CARMIL2: variants seen among roughly 807,000 people sequenced by gnomAD.
The protein encoded by CARMIL2 is capping protein regulator and myosin 1 linker 2, also known as capping protein, Arp2/3 and myosin-I linker protein 2.
A neutral mutation model predicts 173.3 loss-of-function variants in CARMIL2; 96 were observed. The ratio of observed to expected loss-of-function variants is 0.55; its 90% CI spans 0.47 to 0.66. CARMIL2 has a LOEUF of 0.66. Among genes scored for constraint, CARMIL2 ranks in the 30% least tolerant of loss-of-function variants. CARMIL2 has a pLI of 0.00. For synonymous variants in CARMIL2, 830 were observed against 817.1 expected, an observed-to-expected ratio of 1.02 and a Z score of -0.27; for missense variants, 1,771 against 1,906.7, an observed-to-expected ratio of 0.93 and a Z score of 1.33.
rs1397077324 is a variant in CARMIL2 at position 67,652,441 on chromosome 16, C to T, written c.2818-31C>T. On this transcript the variant is annotated intron_variant, in intron 27 of 37. Transcript: ENST00000334583. The surrounding 1 kb of genome is among the most constrained non-coding windows in gnomAD (Gnocchi z 4.7). ...GCTCTTTTGGGTTGGTGCTCTCCTACCCCAGGCTGAGTTTGTGCCCTCCCC... is the reference window on the plus strand; with the variant it reads ...GCTCTTTTGGGTTGGTGCTCTCCTATCCCAGGCTGAGTTTGTGCCCTCCCC... 1.9e-6 allele frequency: 3 copies of T among 1,612,584 alleles called. No homozygotes were observed. In the South Asian group the frequency reaches 3.3e-5, roughly 18 times the overall value.
chr16:67,653,053 G>C lies in CARMIL2; in HGVS notation c.2919G>C (p.Leu973=). 7.9e-7 allele frequency: 1 copy of C among 1,268,664 alleles called. No individual in the cohort carries two copies. Among genetic ancestry groups the C allele is most frequent in the Admixed American group, 3.8e-5 (1 of 26,044 alleles). 78.6% of individuals were successfully genotyped at this position (1,268,664 alleles called of 1,614,324 possible). ...AAEEAEPEPE[L]AAPGEDAEPQ... is the part of the protein sequence containing the mutation. ...AGGAAGCGGAGCCGGAGCCCGAGCT[G>C]GCGGCTCCGGGAGAAGATGCAGAGC... is the stretch of plus-strand genomic sequence containing the variant. The change falls in exon 29 of 38, where the codon CTG becomes CTC. Residue 973 remains leucine, a synonymous_variant. Transcript: ENST00000334583. The surrounding 1 kb of genome is among the most constrained non-coding windows in gnomAD (Gnocchi z 7.4).
intron 11 of CARMIL2, 28 bp downstream of exon 11, chr16:67,647,630 G>C: frequency 6.2e-7 from 1 of 1,603,342 alleles, no homozygotes; most frequent in South Asian, 1.1e-5. Flanking sequence ...GACCGCAGGG[G>C]TGGGCAGCAG....
Position 67,653,270 on chromosome 16 carries a change from C to G in CARMIL2, c.3120+16C>G. ...GGGCCCCCAGGTGAGCACCCTTCCCCCACTCCGGAGCGCGTGGAATTGGGG... is the reference window on the plus strand; with the variant it reads ...GGGCCCCCAGGTGAGCACCCTTCCCGCACTCCGGAGCGCGTGGAATTGGGG... On this transcript the variant is annotated intron_variant, in intron 29 of 37. Transcript: ENST00000334583. This position sits in a 1 kb window ranked among gnomAD's most constrained non-coding sequence, Gnocchi z 7.4. The G allele has an allele frequency of 8.9e-7, 1 of 1,119,782 alleles. No homozygotes were observed. The highest frequency in any genetic ancestry group is 1.1e-6 in the Non-Finnish European group (1 of 908,108). The allele number at this position is 1,119,782 out of a possible 1,614,324, so 69.4% of individuals were successfully genotyped here.
Position 67,651,538 on chromosome 16 carries a change from C to A in CARMIL2, c.2427+24C>A. The A allele has an allele frequency of 6.4e-7, 1 of 1,567,964 alleles. No individual in the cohort carries two copies. The highest frequency in any genetic ancestry group is 8.7e-7 in the Non-Finnish European group (1 of 1,155,624). On this transcript the variant is annotated intron_variant, in intron 24 of 37. Coordinates refer to ENST00000334583, the MANE Select transcript of CARMIL2 (RefSeq NM_001013838.3). This position sits in a 1 kb window ranked among gnomAD's most constrained non-coding sequence, Gnocchi z 4.2. ...AGGTGAGAGGGTACTCCTGCCCCAA[C>A]CCCACCTCCGTTTGCAGGTTTGACT...
chr16:67,654,983 C>G, intron 32 of CARMIL2, 83 bp downstream of exon 32: 1 of 1,526,442 alleles, frequency 6.6e-7, no homozygotes, highest in East Asian at 2.3e-5. Context: ...GGAGGAGACT[C>G]ATGACAGATA....
Position 67,645,621 on chromosome 16 carries a change from A to G in CARMIL2, c.122A>G (p.Asn41Ser), listed in dbSNP as rs757088885. The stretch of plus-strand genomic sequence containing the variant: ...CTACCCGGGGAGGGTGCTGTGCAAA[A>G]CCATGTCCTGGTATGGGGCAGGGGA... ...TWLPGEGAVQ[N>S]HVLALLRWRA... Residue 41 changes from asparagine to serine, a missense_variant, in exon 2 of 38, where the codon AAC (asparagine) becomes AGC (serine). Coordinates refer to ENST00000334583, the MANE Select transcript of CARMIL2 (RefSeq NM_001013838.3). 32 of 1,613,416 alleles carry G rather than the reference A, an allele frequency of 2.0e-5. No homozygotes were observed. The highest frequency in any genetic ancestry group is 2.5e-5 in the Non-Finnish European group (30 of 1,179,838).
In CARMIL2 at chr16:67,652,146, A is replaced by G. The variant is rs768544962; in HGVS notation, c.2677-53A>G. The G allele has an allele frequency of 4.7e-5, 76 of 1,602,834 alleles. No individual in the cohort carries two copies. The highest frequency in any genetic ancestry group is 1.7e-4 in the Middle Eastern group (1 of 5,746). On this transcript the variant is annotated intron_variant, in intron 26 of 37. Transcript: ENST00000334583. The surrounding 1 kb of genome is among the most constrained non-coding windows in gnomAD (Gnocchi z 4.7). ...TTCAGGGTCCCCTTAGTTAGCATCA[A>G]TGGGATCATGGCTGAGGCCCTACCT...
Position 67,652,356 on chromosome 16 carries a change from C to A in CARMIL2, c.2817+17C>A. ...AAGGAGAAGGTAAGTGGTTTTAGAA[C>A]ACGGGGCATGGCACTCCCAGTCTTC... On this transcript the variant is annotated intron_variant, in intron 27 of 37. Coordinates refer to ENST00000334583, the MANE Select transcript of CARMIL2 (RefSeq NM_001013838.3). The surrounding 1 kb of genome is among the most constrained non-coding windows in gnomAD (Gnocchi z 4.7). 1.9e-6 allele frequency: 3 copies of A among 1,613,040 alleles called. No individual in the cohort carries two copies. The highest frequency in any genetic ancestry group is 1.7e-6 in the Non-Finnish European group (2 of 1,179,616).
chr16:67,652,254 C>T lies in CARMIL2; in HGVS notation c.2732C>T (p.Pro911Leu), dbSNP rs752246007. 4.3e-6 allele frequency: 7 copies of T among 1,613,188 alleles called. No homozygotes were observed. Among genetic ancestry groups the T allele is most frequent in the African/African-American group, 2.7e-5 (2 of 74,914 alleles). The stretch of plus-strand genomic sequence containing the variant: ...ACAATGCCCCCTGCCCTACCAGCAC[C>T]GGATGGAGGTGAGCCCAGCCTCCTT... ...TVTMPPALPA[P>L]DGGEPSLLEP... Residue 911 changes from proline to leucine, a missense_variant, in exon 27 of 38, where the codon CCG becomes CTG. Around this residue, in one of 3 missense-constraint regions of CARMIL2, gnomAD observed 817 missense variants for 903.5 expected, o/e 0.90. Transcript: ENST00000334583. This position sits in a 1 kb window ranked among gnomAD's most constrained non-coding sequence, Gnocchi z 4.7.
In CARMIL2 at chr16:67,649,339, C is replaced by T. The variant is rs751948639; in HGVS notation, c.1746+28C>T. On this transcript the variant is annotated intron_variant, in intron 19 of 37. Coordinates refer to ENST00000334583, the MANE Select transcript of CARMIL2 (RefSeq NM_001013838.3). The surrounding 1 kb of genome is among the most constrained non-coding windows in gnomAD (Gnocchi z 6.7). ...GAGTTCACGGGACCTTGCAGGGCCT[C>T]GGGCAATTAGACCACTTTGGTCCTC... is the stretch of plus-strand genomic sequence containing the variant. 6.2e-7 allele frequency: 1 copy of T among 1,609,994 alleles called. No individual in the cohort carries two copies. Among genetic ancestry groups the T allele is most frequent in the Non-Finnish European group, 8.5e-7 (1 of 1,179,382 alleles).
In CARMIL2 at chr16:67,647,489, C is replaced by G; in HGVS notation, c.777-19C>G. The stretch of plus-strand genomic sequence containing the variant: ...GGCAAACCAGGGGCAGAATCTCATG[C>G]CTGGGGTCTGGTCCCCAGAGACTTT... On this transcript the variant is annotated intron_variant, in intron 10 of 37. Transcript: ENST00000334583. 6.3e-7 allele frequency: 1 copy of G among 1,585,934 alleles called. No homozygotes were observed. Among genetic ancestry groups the G allele is most frequent in the Non-Finnish European group, 8.6e-7 (1 of 1,166,134 alleles).
rs748264223 is a variant in CARMIL2, at chr16:67,648,336, C to T, written c.1334+22C>T. ...GCACGTAAGGGGGACCTGTCGGGGC[C>T]GGGGGAGGCTGCTGGAAGCCGCCTC... is the stretch of plus-strand genomic sequence containing the variant. On this transcript the variant is annotated intron_variant, in intron 14 of 37. Coordinates refer to ENST00000334583, the MANE Select transcript of CARMIL2 (RefSeq NM_001013838.3). The surrounding 1 kb of genome is among the most constrained non-coding windows in gnomAD (Gnocchi z 6.1). The T allele has an allele frequency of 1.3e-6, 2 of 1,571,722 alleles. No homozygotes were observed. The highest frequency in any genetic ancestry group is 1.1e-5 in the South Asian group (1 of 87,504).
Position 67,646,028 on chromosome 16 carries a change from C to A in CARMIL2, c.197C>A (p.Thr66Lys). Residue 66 changes from threonine to lysine, a missense_variant, in exon 4 of 38, where the codon ACG becomes AAG. Thr to Lys is a moderately conservative substitution (Grantham distance 78). Coordinates refer to ENST00000334583, the MANE Select transcript of CARMIL2 (RefSeq NM_001013838.3). This position sits in a 1 kb window ranked among gnomAD's most constrained non-coding sequence, Gnocchi z 4.6. ...TTCLPLRVDC[T>K]FSYLEVQAMA... Reference sequence around the variant, plus strand: ...CTAGGCCCTTTCTAGGTGGACTGCACGTTCAGCTACCTGGAGGTCCAGGCC... The same window carrying A: ...CTAGGCCCTTTCTAGGTGGACTGCAAGTTCAGCTACCTGGAGGTCCAGGCC... The A allele has an allele frequency of 6.2e-7, 1 of 1,613,768 alleles. No individual in the cohort carries two copies. The highest frequency in any genetic ancestry group is 8.5e-7 in the Non-Finnish European group (1 of 1,179,878).
chr16:67,655,511 T>C (rs2052825082), intron 32 of CARMIL2, among the ~76,000 whole-genome samples: 1 of 152,248 alleles, frequency 6.6e-6, no homozygotes, highest in African/African-American at 2.4e-5. Flanking sequence ...CTCAAGACAC[T>C]GTTCAGACTC....
chr16:67,645,994 C>T (rs2142908659), intron 3 of CARMIL2, 24 bp from the exon 4 acceptor site: 5 of 1,613,586 alleles, frequency 3.1e-6, no homozygotes, highest in Non-Finnish European at 4.2e-6. Context: ...GGGCTTGGTC[C>T]CAGCTGATCT....
In CARMIL2 at chr16:67,648,314, C is replaced by G; in HGVS notation, c.1334C>G (p.Thr445Arg). 1 of 1,587,018 alleles carries G rather than the reference C, an allele frequency of 6.3e-7. No individual in the cohort carries two copies. Among genetic ancestry groups the G allele is most frequent in the Admixed American group, 1.7e-5 (1 of 58,268 alleles). ...GCTTCGAGGAACGTCTTCTCCCGCA[C>G]GTAAGGGGGACCTGTCGGGGCCGGG... ...LDASRNVFSR[T>R]KSRAAPAALQ... Residue 445 changes from threonine to arginine, a missense_variant and splice_region_variant, in exon 14 of 38, where the codon ACG (threonine) becomes AGG (arginine). Physicochemically the swap from Thr to Arg is moderately conservative, Grantham distance 71 (BLOSUM62 -1). Coordinates refer to ENST00000334583, the MANE Select transcript of CARMIL2 (RefSeq NM_001013838.3). The surrounding 1 kb of genome is among the most constrained non-coding windows in gnomAD (Gnocchi z 6.1).
chr16:67,646,831 C>A lies in CARMIL2; in HGVS notation c.537+47C>A, dbSNP rs1453887138. On this transcript the variant is annotated intron_variant, in intron 7 of 37. Transcript: ENST00000334583. The surrounding 1 kb of genome is among the most constrained non-coding windows in gnomAD (Gnocchi z 4.6). Reference sequence around the variant, plus strand: ...AGGGCTCTGGAGACATCTGGTCCCCCATGTGTGCTGAGCCCCTCCCTGCCC... The same window carrying A: ...AGGGCTCTGGAGACATCTGGTCCCCAATGTGTGCTGAGCCCCTCCCTGCCC... The A allele has an allele frequency of 1.9e-6, 3 of 1,611,522 alleles. No individual in the cohort carries two copies. Among genetic ancestry groups the A allele is most frequent in the Non-Finnish European group, 2.5e-6 (3 of 1,177,722 alleles).
rs2052593914 is a variant in CARMIL2 at position 67,646,385 on chromosome 16, G to T, written c.375-41G>T. On this transcript the variant is annotated intron_variant, in intron 5 of 37. Coordinates refer to ENST00000334583, the MANE Select transcript of CARMIL2 (RefSeq NM_001013838.3). This position sits in a 1 kb window ranked among gnomAD's most constrained non-coding sequence, Gnocchi z 4.6. ...AGAAGGGCTGCTTCCCATCCCAGAGGCTGGAAGTCCTTTGCCCCCTTCTCC... is the reference window on the plus strand; with the variant it reads ...AGAAGGGCTGCTTCCCATCCCAGAGTCTGGAAGTCCTTTGCCCCCTTCTCC... The T allele has an allele frequency of 6.2e-7, 1 of 1,607,832 alleles. No homozygotes were observed.
intron 31 of CARMIL2, 25 bp from the exon 32 acceptor site, chr16:67,654,753 C>G: frequency 1.2e-6 from 2 of 1,612,660 alleles, no homozygotes; most frequent in South Asian, 2.2e-5. Context: ...CGGACTGTCT[C>G]CAACTCGAGC....
Sources: allele counts gnomAD v4.1 joint callset (sites outside exome capture counted in the v4.1 genomes callset), GRCh38; gene constraint gnomAD v4.1.1; regional missense constraint gnomAD v4.1.1; non-coding constraint Gnocchi (gnomAD v3.1); transcripts MANE v1.5; gene names NCBI Gene and HGNC (gene_info 2026-07-23, HGNC 2026-07-21).